The following MID1 variants were observed in gnomAD, a reference collection of about 807,000 sequenced individuals.
MID1 encodes the protein midline 1.
A neutral mutation model predicts 40.4 loss-of-function variants in MID1; 7 were observed. That is an observed-to-expected ratio of 0.17 (90% CI 0.10 to 0.33). MID1 has a LOEUF of 0.33. Among genes scored for constraint, MID1 ranks in the 10% least tolerant of loss-of-function variants. The pLI, the probability that MID1 is intolerant of heterozygous loss-of-function variation, is 1.00. For synonymous variants in MID1, 229 were observed against 221.2 expected, an observed-to-expected ratio of 1.04 and a Z score of -0.31; for missense variants, 367 against 558.5, an observed-to-expected ratio of 0.66 and a Z score of 3.46.
At chrX:10,532,466 G>A (rs1166762675) in intron 2 of MID1, among the ~76,000 whole-genome samples, 1 of 111,669 alleles carries the variant, frequency 9.0e-6, no homozygotes, top group African/African-American at 3.3e-5. Flanking sequence ...GAGCCTGGGA[G>A]TTCAACACTT....
At chrX:10,722,890 G>T (rs147803175) in intron 1 of MID1, among the ~76,000 whole-genome samples, 2,485 of 111,579 alleles carry the variant, frequency 0.022, 70 homozygotes, top group African/African-American at 0.077. Context: ...CAGAGAGGTT[G>T]TGTCTCATGG....
intron 1 of MID1, among the ~76,000 whole-genome samples, chrX:10,628,208 T>C (rs1234886504): frequency 9.0e-6 from 1 of 110,977 alleles, no homozygotes; most frequent in African/African-American, 3.3e-5. Flanking sequence ...CATACTGAGA[T>C]AGGCTTTCTT....
intron 2 of MID1, among the ~76,000 whole-genome samples, chrX:10,542,332 G>A (rs757109202): frequency 5.4e-4 from 60 of 111,595 alleles, no homozygotes; most frequent in African/African-American, 1.9e-3. Flanking sequence ...TGTATATAGT[G>A]TCTCCATAGG....
chrX:10,756,896 T>G (rs112610385), intron 1 of MID1, among the ~76,000 whole-genome samples: 2,178 of 111,652 alleles, frequency 0.02, 29 homozygotes, highest in Non-Finnish European at 0.031. Context: ...CAAGTTGCAT[T>G]GCCATGTTAC....
At chrX:10,454,261 C>A (rs1449290378) in intron 9 of MID1, among the ~76,000 whole-genome samples, 1 of 111,674 alleles carries the variant, frequency 9.0e-6, no homozygotes, top group Non-Finnish European at 1.9e-5. Flanking sequence ...CAACCCTTAG[C>A]TATTTGCACT....
chrX:10,705,133 T>C (rs1166483302), intron 1 of MID1, among the ~76,000 whole-genome samples: 1 of 112,390 alleles, frequency 8.9e-6, no homozygotes, highest in East Asian at 2.8e-4. Flanking sequence ...TAGCCTTTTT[T>C]CTTTTATGAT....
chrX:10,811,713 C>G (rs951253209), intron 1 of MID1, among the ~76,000 whole-genome samples: 2 of 111,539 alleles, frequency 1.8e-5, no homozygotes, highest in Non-Finnish European at 3.8e-5. Context: ...TAGACAAGAG[C>G]TAGATGGAGA....
At chrX:10,593,187 A>C (rs1372184784) in intron 1 of MID1, among the ~76,000 whole-genome samples, 1 of 112,614 alleles carries the variant, frequency 8.9e-6, no homozygotes, top group Non-Finnish European at 1.9e-5. Flanking sequence ...TGCTAAACAA[A>C]ATGACAAAGA....
chrX:10,545,749 C>CAGG (rs998322195), intron 2 of MID1, among the ~76,000 whole-genome samples: 1 of 111,124 alleles, frequency 9.0e-6, no homozygotes, highest in African/African-American at 3.3e-5. Context: ...GGAGAAGGAG[C>CAGG]AGGAGGAGGA....
intron 1 of MID1, among the ~76,000 whole-genome samples, chrX:10,590,388 G>C (rs753022680): frequency 5.5e-4 from 61 of 111,783 alleles, no homozygotes; most frequent in African/African-American, 1.9e-3. Context: ...GAGACCAAGA[G>C]AAGAGCTTGG....
chrX:10,796,039 G>A (rs988560113), intron 1 of MID1, among the ~76,000 whole-genome samples: 1 of 112,018 alleles, frequency 8.9e-6, no homozygotes, highest in Non-Finnish European at 1.9e-5. Context: ...TGCTCACCAA[G>A]AGGCACTTGG....
chrX:10,694,431 G>A (rs2043149056), intron 1 of MID1, among the ~76,000 whole-genome samples: 1 of 112,244 alleles, frequency 8.9e-6, no homozygotes, highest in South Asian at 3.7e-4. Flanking sequence ...TGCACAATGT[G>A]TGTGTAAATA....
At chrX:10,761,714 C>A (rs2043679386) in intron 1 of MID1, among the ~76,000 whole-genome samples, 1 of 112,044 alleles carries the variant, frequency 8.9e-6, no homozygotes, top group African/African-American at 3.2e-5. Flanking sequence ...ATGCCAAGCC[C>A]AGGTTAGCCA....
At chrX:10,681,530 C>T (rs374591784) in intron 1 of MID1, among the ~76,000 whole-genome samples, 2 of 112,162 alleles carry the variant, frequency 1.8e-5, no homozygotes, top group East Asian at 5.6e-4. Context: ...TCCCTCACAA[C>T]ATGCTGTCTG....
intron 3 of MID1, 43 bp from the exon 4 acceptor site, chrX:10,495,734 TTTTCAGTTAAGTGCTATTTTTAATGTA>T: frequency 2.1e-6 from 2 of 946,942 alleles, no homozygotes; most frequent in Non-Finnish European, 3.1e-6. Flanking sequence ...TGGCCTTTGT[TTTTCAGTTAAGTGCTATTTTTAATGTA>T]TACTAGGATG....
intron 1 of MID1, among the ~76,000 whole-genome samples, chrX:10,752,233 C>G (rs111229146): frequency 0.081 from 9,049 of 111,926 alleles, 868 homozygotes; most frequent in African/African-American, 0.28. Flanking sequence ...TCATAGGAAG[C>G]CAGGGAGCTT....
chrX:10,456,972 T>A (rs1418333195), intron 8 of MID1, among the ~76,000 whole-genome samples: 1 of 112,056 alleles, frequency 8.9e-6, no homozygotes, highest in Non-Finnish European at 1.9e-5. Flanking sequence ...AATTTTGACT[T>A]GTAAAAAGAA....
At chrX:10,610,796 C>A (rs1284803287) in intron 1 of MID1, among the ~76,000 whole-genome samples, 1 of 111,722 alleles carries the variant, frequency 9.0e-6, no homozygotes, top group Non-Finnish European at 1.9e-5. Context: ...AAGGATCAGA[C>A]ATGGAATATA....
intron 3 of MID1, chrX:10,505,496 T>A (rs990042798): frequency 3.1e-5 from 23 of 752,905 alleles, no homozygotes; most frequent in Non-Finnish European, 3.6e-5. Flanking sequence ...CCCTTCCGTT[T>A]GGGCTGGGCA....
Sources: allele counts gnomAD v4.1 joint callset (sites outside exome capture counted in the v4.1 genomes callset), GRCh38; gene constraint gnomAD v4.1.1; transcripts MANE v1.5; gene names NCBI Gene and HGNC (gene_info 2026-07-23, HGNC 2026-07-21).